ZNF385C: variants seen among roughly 807,000 people sequenced by gnomAD.
ZNF385C encodes CTD-2132N18.2.
A neutral mutation model predicts 35.4 loss-of-function variants in ZNF385C; 28 were observed. That is an observed-to-expected ratio of 0.79 (90% confidence interval 0.59 to 1.08). The LOEUF (loss-of-function observed/expected upper bound fraction) is 1.08. ZNF385C is among the 50% of genes least tolerant of loss of function. The probability of loss-of-function intolerance (pLI) is 0.00; values close to 1 mark genes in which losing one functional copy is unlikely to be tolerated. For missense variants in ZNF385C, 605 were observed against 595.6 expected, an observed-to-expected ratio of 1.02 and a Z score of -0.16; for synonymous variants, 248 against 248.2, an observed-to-expected ratio of 1.00 and a Z score of 0.01.
intron 1 of ZNF385C, among the ~76,000 whole-genome samples, chr17:42,079,216 A>G (rs1195073651): frequency 1.5e-5 from 2 of 131,528 alleles, no homozygotes; most frequent in Admixed American, 7.8e-5. Context: ...ATATATATAT[A>G]TACATATATA....
intron 2 of ZNF385C, chr17:42,039,627 G>A (rs2052956050): frequency 8.4e-7 from 1 of 1,185,304 alleles, no homozygotes; most frequent in Non-Finnish European, 1.1e-6. Flanking sequence ...CATCTTGGGT[G>A]CAGCATGGTC....
At chr17:42,072,838 C>T (rs1448353297) in intron 1 of ZNF385C, among the ~76,000 whole-genome samples, 2 of 152,166 alleles carry the variant, frequency 1.3e-5, no homozygotes, top group African/African-American at 2.4e-5. Context: ...GCTGCGCGCA[C>T]GGGTGAGTAT....
chr17:42,035,076 G>A (rs1282165314), intron 3 of ZNF385C, among the ~76,000 whole-genome samples: 7 of 116,372 alleles, frequency 6.0e-5, no homozygotes, highest in Admixed American at 1.3e-4. Context: ...CTGAGATTGC[G>A]CCACTGCACT....
At chr17:42,066,123 T>C (rs1435272463) in intron 1 of ZNF385C, among the ~76,000 whole-genome samples, 4 of 152,262 alleles carry the variant, frequency 2.6e-5, no homozygotes, top group African/African-American at 9.6e-5. Flanking sequence ...GCAGTGGCAC[T>C]ATTTTGGCTC....
At chr17:42,055,159 A>G (rs1598193951) in intron 2 of ZNF385C, among the ~76,000 whole-genome samples, 1 of 152,198 alleles carries the variant, frequency 6.6e-6, no homozygotes, top group African/African-American at 2.4e-5. Flanking sequence ...TCTCTGGAGC[A>G]GCCAACATTC....
intron 2 of ZNF385C, among the ~76,000 whole-genome samples, chr17:42,060,731 T>C (rs1233670296): frequency 6.6e-6 from 1 of 152,164 alleles, no homozygotes; most frequent in East Asian, 1.9e-4. Context: ...TTTTATTTTT[T>C]TTGAGACAGG....
intron 1 of ZNF385C, among the ~76,000 whole-genome samples, chr17:42,074,689 A>G (rs540503258): frequency 6.6e-5 from 10 of 152,306 alleles, no homozygotes; most frequent in East Asian, 1.9e-4. Context: ...GCGCCCGGCC[A>G]AAGATGTTTT....
chr17:42,026,380 C>G lies in ZNF385C; in HGVS notation c.*517G>C, dbSNP rs1464606830. The stretch of plus-strand genomic sequence containing the variant: ...TCTGCCCCACCTTAGCACTGCTGAT[C>G]GAAGGACTTTTGGGTCCCCCTTTCT... On this transcript the variant is annotated 3_prime_UTR_variant, in exon 9 of 9. Coordinates refer to ENST00000692273, the MANE Select transcript of ZNF385C (RefSeq NM_001392013.1). 1 of 170,196 alleles carries G rather than the reference C, an allele frequency of 5.9e-6. No individual in the cohort carries two copies. The highest frequency in any genetic ancestry group is 1.3e-5 in the Non-Finnish European group (1 of 78,132). 10.5% of individuals were successfully genotyped at this position (170,196 alleles called of 1,614,324 possible). A position where few individuals can be genotyped will look rare whatever the true frequency, so the allele number is the denominator to read the frequency against.
At chr17:42,090,273 T>C (rs1323736477) in intron 1 of ZNF385C, among the ~76,000 whole-genome samples, 2 of 147,508 alleles carry the variant, frequency 1.4e-5, no homozygotes, top group East Asian at 4.0e-4. Context: ...TTTCCTCTTA[T>C]TCCCTTTTTT....
chr17:42,038,158 CAGGGCAGCCCAGCCAAGAGAGGG>C (rs1423917920), intron 2 of ZNF385C: 62 of 1,277,084 alleles, frequency 4.9e-5, no homozygotes, highest in Non-Finnish European at 6.3e-5. Context: ...TACTGAACCC[CAGGGCAGCCCAGCCAAGAGAGGG>C]ACAGAGGGGT....
intron 1 of ZNF385C, among the ~76,000 whole-genome samples, chr17:42,088,658 G>A (rs949323125): frequency 3.3e-5 from 5 of 152,206 alleles, no homozygotes; most frequent in African/African-American, 4.8e-5. Context: ...TCTTGGTCTC[G>A]ACTCTGTACA....
chr17:42,086,930 G>A (rs1185276933), intron 1 of ZNF385C, among the ~76,000 whole-genome samples: 1 of 149,264 alleles, frequency 6.7e-6, no homozygotes, highest in African/African-American at 2.5e-5. Context: ...CCAGGTTCAA[G>A]CAATTCTCCT....
At chr17:42,070,113 G>A (rs1555658671) in intron 1 of ZNF385C, among the ~76,000 whole-genome samples, 2 of 152,242 alleles carry the variant, frequency 1.3e-5, no homozygotes, top group African/African-American at 4.8e-5. Flanking sequence ...GGGAGGCCGA[G>A]GCGGGCGGAT....
At position 42,026,925 on chromosome 17, in the gene ZNF385C, G is replaced by A; in HGVS notation, c.1484C>T (p.Thr495Ile). 1.2e-6 allele frequency: 2 copies of A among 1,604,556 alleles called. No homozygotes were observed. Among genetic ancestry groups the A allele is most frequent in the East Asian group, 2.2e-5 (1 of 44,508 alleles). The change falls in exon 9 of 9, where the codon ACA becomes ATA. Residue 495 changes from threonine to isoleucine, a missense_variant. Transcript: ENST00000692273. Reference protein sequence around the residue: ...RTPAGAVRPATGPIVLAPY With the variant: ...RTPAGAVRPAIGPIVLAPY ...ATAAGGGGCAAGGACGATAGGTCCT[G>A]TGGCAGGGCGGACAGCTCCTGCTGG...
Position 42,031,534 on chromosome 17 carries a change from AAAG to A in ZNF385C, c.676+82_676+84del, listed in dbSNP as rs1474514016. On this transcript the variant is annotated intron_variant, in intron 5 of 8. Transcript: ENST00000692273. ...GTATGGAATACTCCAACACAAGCAA[AAAG>A]AATAAGCAGAAATCTCTCAACCCCT... The A allele has an allele frequency of 4.8e-6, 7 of 1,467,644 alleles. No homozygotes were observed. The East Asian group carries it at 1.7e-4, about 37-fold the overall frequency. 90.9% of individuals were successfully genotyped at this position (1,467,644 alleles called of 1,614,324 possible).
intron 1 of ZNF385C, among the ~76,000 whole-genome samples, chr17:42,081,305 C>G (rs762143395): frequency 1.8e-4 from 27 of 152,140 alleles, no homozygotes; most frequent in South Asian, 4.1e-4. Context: ...GAGGGATAGG[C>G]CTGCCTGAGG....
At chr17:42,090,633 G>A (rs981534065) in intron 1 of ZNF385C, among the ~76,000 whole-genome samples, 3 of 151,154 alleles carry the variant, frequency 2.0e-5, no homozygotes, top group African/African-American at 4.8e-5. Flanking sequence ...GGTGGCTCAC[G>A]CCTGTAATCC....
chr17:42,088,443 G>A (rs2053831727), intron 1 of ZNF385C, among the ~76,000 whole-genome samples: 1 of 152,262 alleles, frequency 6.6e-6, no homozygotes, highest in Admixed American at 6.5e-5. Context: ...CCAGAGGGCG[G>A]AGCACCGCCG....
chr17:42,043,486 G>A (rs2053077677), intron 2 of ZNF385C: 1 of 973,300 alleles, frequency 1.0e-6, no homozygotes, highest in African/African-American at 1.7e-5. Flanking sequence ...GGGGAGGCAG[G>A]CTGGGGGCAG....
Sources: gnomAD v4.1 joint callset for allele counts (sites outside exome capture counted in the v4.1 genomes callset) on GRCh38, gnomAD v4.1.1 for gene constraint, MANE v1.5 for transcripts, NCBI Gene and HGNC (gene_info 2026-07-23, HGNC 2026-07-21) for gene names.